Variants in SLC25A18 observed in about 807,000 individuals in gnomAD.
SLC25A18 encodes the protein mitochondrial glutamate carrier 2.
SLC25A18 carries 24 observed loss-of-function variants against 31.1 expected under a neutral mutation model. That is an observed-to-expected ratio of 0.77 (90% confidence interval 0.56 to 1.08). The LOEUF is 1.08. Ranked by LOEUF, SLC25A18 falls within the 50% of genes least tolerant of loss-of-function variation. The pLI is 0.00. For missense variants in SLC25A18, 371 were observed against 418.5 expected (o/e 0.89, Z 0.99); for synonymous variants, 173 against 161.9 (o/e 1.07, Z -0.52).
chr22:17,587,841 G>C (rs1770537573), intron 8 of SLC25A18, 84 bp from the exon 9 acceptor site: 3 of 1,571,716 alleles, frequency 1.9e-6, no homozygotes, highest in Middle Eastern at 1.7e-4. Flanking sequence ...AAGCCCCACA[G>C]CTCACAGCAA....
At chr22:17,581,333 C>G in intron 4 of SLC25A18, 25 bp from the exon 5 acceptor site, 1 of 1,613,726 alleles carries the variant, frequency 6.2e-7, no homozygotes, top group Non-Finnish European at 8.5e-7. Flanking sequence ...TGCACACTTA[C>G]TCCTACTCTG....
rs554304192 is a variant in SLC25A18 at position 17,565,610 on chromosome 22, G to A, written c.-264+1897G>A. On this transcript the variant is annotated intron_variant, in intron 1 of 10. Coordinates refer to ENST00000327451, the MANE Select transcript of SLC25A18 (RefSeq NM_031481.3). ...TGGACAGGTGTGTTGGCTCACGCCTGTAATACCAGCACTTTGGGAGGCCGA... is the reference window on the plus strand; with the variant it reads ...TGGACAGGTGTGTTGGCTCACGCCTATAATACCAGCACTTTGGGAGGCCGA... Among the ~76,000 whole-genome samples, 50 of 151,628 alleles carry A rather than the reference G, an allele frequency of 3.3e-4. No individual in the cohort carries two copies. The South Asian group carries it at 9.5e-3, about 29-fold the overall frequency.
Position 17,590,326 on chromosome 22 carries a change from C to G in SLC25A18, c.*90C>G. 6.6e-7 allele frequency: 1 copy of G among 1,512,522 alleles called. No individual in the cohort carries two copies. The highest frequency in any genetic ancestry group is 9.1e-7 in the Non-Finnish European group (1 of 1,104,530). 93.7% of individuals were successfully genotyped at this position (1,512,522 alleles called of 1,614,324 possible). The stretch of plus-strand genomic sequence containing the variant: ...GGGGGCAAGGGCAGGTGGGGCCACT[C>G]TGGCCTGCCTGGTCCTCTGCGTTGT... On this transcript the variant is annotated 3_prime_UTR_variant, in exon 11 of 11. Transcript: ENST00000327451.
At chr22:17,585,805 C>G (rs376794167) in intron 7 of SLC25A18, among the ~76,000 whole-genome samples, 1 of 151,604 alleles carries the variant, frequency 6.6e-6, no homozygotes. Context: ...TGCACTACCA[C>G]GTCCAGCTAA....
chr22:17,572,900 C>G (rs146869430), intron 2 of SLC25A18, among the ~76,000 whole-genome samples: 3 of 151,992 alleles, frequency 2.0e-5, no homozygotes, highest in African/African-American at 4.8e-5. Flanking sequence ...CTCGGCCTCC[C>G]GAAGTGCTGG....
intron 1 of SLC25A18, among the ~76,000 whole-genome samples, chr22:17,568,555 CTTTTTTTTTTTT>C (rs695361): frequency 1.6e-5 from 1 of 62,534 alleles, no homozygotes; most frequent in African/African-American, 7.0e-5. Flanking sequence ...TAAAGTACAT[CTTTTTTTTTTTT>C]TTTTTTTTTT....
chr22:17,572,888 G>T lies in SLC25A18; in HGVS notation c.-201+2902G>T, dbSNP rs565427851. On this transcript the variant is annotated intron_variant, in intron 2 of 10. Coordinates refer to ENST00000327451, the MANE Select transcript of SLC25A18 (RefSeq NM_031481.3). ...AATCTCCTGACCTCGTGATCCGCCC[G>T]CCTCGGCCTCCCGAAGTGCTGGGAT... 2.6e-5 allele frequency among the ~76,000 whole-genome samples: 4 copies of T among 152,126 alleles called. No homozygotes were observed. The South Asian group carries it at 8.3e-4, about 32-fold the overall frequency.
intron 2 of SLC25A18, chr22:17,570,321 C>T (rs1296809): frequency 0.13 from 19,955 of 152,314 alleles, 1,700 homozygotes; most frequent in Non-Finnish European, 0.18. Flanking sequence ...CACCCTGAGG[C>T]CCCCAACCCA....
intron 7 of SLC25A18, 138 bp from the exon 8 acceptor site, chr22:17,586,998 G>A: frequency 1.0e-6 from 1 of 953,378 alleles, no homozygotes; most frequent in Non-Finnish European, 1.6e-6. Flanking sequence ...CTAAAATTAG[G>A]ACATTCTTCT....
At position 17,589,629 on chromosome 22, in the gene SLC25A18, G is replaced by T. The variant is rs758235343; in HGVS notation, c.770G>T (p.Gly257Val). The change falls in exon 10 of 11, where the codon GGC becomes GTC. Residue 257 changes from glycine (G) to valine (V), a missense_variant. Physicochemically the swap from Gly to Val is moderately radical, Grantham distance 109 (BLOSUM62 -3). Transcript: ENST00000327451. ...TRIQTLKKGLGEDMYSGITDC... is the reference protein window; with the variant it reads ...TRIQTLKKGLVEDMYSGITDC... The stretch of plus-strand genomic sequence containing the variant: ...ATCCAAACCCTCAAGAAAGGCCTGG[G>T]CGAGGACATGTACAGTGGGATCACC... 1 of 1,614,080 alleles carries T rather than the reference G, an allele frequency of 6.2e-7. No homozygotes were observed. The highest frequency in any genetic ancestry group is 8.5e-7 in the Non-Finnish European group (1 of 1,180,004).
intron 1 of SLC25A18, chr22:17,569,456 T>G (rs2057031694): frequency 3.8e-6 from 1 of 266,446 alleles, no homozygotes; most frequent in Non-Finnish European, 5.8e-6. Flanking sequence ...GGAGGATGCC[T>G]CCCAGGATCA....
At chr22:17,580,798 A>C (rs2057350977) in intron 3 of SLC25A18, 1 of 1,275,168 alleles carries the variant, frequency 7.8e-7, no homozygotes, top group African/African-American at 1.5e-5. Context: ...CTCCTCCCAG[A>C]AGCCCCTGCA....
chr22:17,577,199 T>C (rs1377318770), intron 2 of SLC25A18, among the ~76,000 whole-genome samples: 1 of 151,966 alleles, frequency 6.6e-6, no homozygotes, highest in African/African-American at 2.4e-5. Flanking sequence ...ATTTTTTGTA[T>C]TTTTAGTAGA....
chr22:17,585,618 T>G (rs1432964267), intron 7 of SLC25A18, among the ~76,000 whole-genome samples: 1 of 148,958 alleles, frequency 6.7e-6, no homozygotes, highest in African/African-American at 2.5e-5. Flanking sequence ...ACATTTTATT[T>G]TATTATTATT....
chr22:17,574,900 A>C (rs900960587), intron 2 of SLC25A18, among the ~76,000 whole-genome samples: 1 of 148,952 alleles, frequency 6.7e-6, no homozygotes, highest in Admixed American at 6.8e-5. Context: ...CGCCCAGGCT[A>C]GAGTGCAGTG....
chr22:17,581,028 C>T lies in SLC25A18; in HGVS notation c.21-9C>T. ...CCTCTCTCCTCCCCCTGTCCTCCCC[C>T]TGTCCTAGCATCACAGCCAAACTCA... On this transcript the variant is annotated splice_polypyrimidine_tract_variant and intron_variant, in intron 3 of 10. Coordinates refer to ENST00000327451, the MANE Select transcript of SLC25A18 (RefSeq NM_031481.3). The T allele has an allele frequency of 1.3e-6, 2 of 1,544,192 alleles. No individual in the cohort carries two copies. The highest frequency in any genetic ancestry group is 2.4e-5 in the South Asian group (2 of 82,654).
chr22:17,579,776 C>T lies in SLC25A18; in HGVS notation c.-169C>T. 1.4e-6 allele frequency: 2 copies of T among 1,409,080 alleles called. No individual in the cohort carries two copies. Among genetic ancestry groups the T allele is most frequent in the Non-Finnish European group, 1.8e-6 (2 of 1,081,092 alleles). The allele number at this position is 1,409,080 out of a possible 1,614,324, so 87.3% of individuals were successfully genotyped here. On this transcript the variant is annotated 5_prime_UTR_variant, in exon 3 of 11. Transcript: ENST00000327451. ...AAGCCGCAGCCCAAGGAGGTCGTCA[C>T]TTGCCGGGAAGGTGGCTCGGGCCAG...
chr22:17,571,033 T>A (rs1196283214), intron 2 of SLC25A18, among the ~76,000 whole-genome samples: 1 of 152,006 alleles, frequency 6.6e-6, no homozygotes, highest in Non-Finnish European at 1.5e-5. Context: ...GGACAGTATG[T>A]GCAAGACTCG....
At chr22:17,578,430 CA>C (rs1165326487) in intron 2 of SLC25A18, among the ~76,000 whole-genome samples, 3 of 152,210 alleles carry the variant, frequency 2.0e-5, no homozygotes, top group Non-Finnish European at 4.4e-5. Context: ...TTTTCTTACC[CA>C]AAACAAAATA....
Sources: allele counts gnomAD v4.1 joint callset (sites outside exome capture counted in the v4.1 genomes callset), GRCh38; gene constraint gnomAD v4.1.1; transcripts MANE v1.5; gene names NCBI Gene and HGNC (gene_info 2026-07-23, HGNC 2026-07-21).